The following MACROD2 variants were observed in gnomAD, a reference collection of about 807,000 sequenced individuals.
MACROD2 encodes ADP-ribose glycohydrolase MACROD2.
In MACROD2, 36 loss-of-function variants were observed where a neutral mutation model predicts 70.4. The observed-to-expected ratio is 0.51, with a 90% CI of 0.39 to 0.68. MACROD2 has a LOEUF of 0.68. Among genes scored for constraint, MACROD2 ranks in the 30% least tolerant of loss-of-function variants. The probability of loss-of-function intolerance (pLI) is 0.00; values close to 1 mark genes in which losing one functional copy is unlikely to be tolerated. For synonymous variants in MACROD2, 172 were observed against 178.8 expected (o/e 0.96, Z 0.30); for missense variants, 496 against 538.4 (o/e 0.92, Z 0.78).
At chr20:15,370,657 A>T (rs1225345683) in intron 6 of MACROD2, among the ~76,000 whole-genome samples, 2 of 152,152 alleles carry the variant, frequency 1.3e-5, no homozygotes, top group Non-Finnish European at 2.9e-5. Context: ...CAGCTATTGT[A>T]TAAGACTGAG....
chr20:15,871,336 A>G (rs1309954644), intron 9 of MACROD2, among the ~76,000 whole-genome samples: 2 of 152,122 alleles, frequency 1.3e-5, no homozygotes, highest in Non-Finnish European at 2.9e-5. Flanking sequence ...TTAAAAGCAA[A>G]CAAAAGAAAG....
chr20:15,226,600 A>G (rs1489296487), intron 5 of MACROD2, among the ~76,000 whole-genome samples: 1 of 152,158 alleles, frequency 6.6e-6, no homozygotes, highest in Non-Finnish European at 1.5e-5. Context: ...ACATGTTCTC[A>G]ATGGATTTTG....
At chr20:15,879,495 G>A (rs1169848875) in intron 9 of MACROD2, among the ~76,000 whole-genome samples, 1 of 152,112 alleles carries the variant, frequency 6.6e-6, no homozygotes, top group South Asian at 2.1e-4. Context: ...AAAGGACTCT[G>A]TGCTTGATTT....
intron 16 of MACROD2, among the ~76,000 whole-genome samples, chr20:16,041,685 A>C (rs997200710): frequency 6.6e-6 from 1 of 151,966 alleles, no homozygotes; most frequent in African/African-American, 2.4e-5. Flanking sequence ...GTGGGCTAAG[A>C]TTGTTCTTGT....
chr20:14,396,159 C>A (rs1250790045), intron 3 of MACROD2, among the ~76,000 whole-genome samples: 1 of 152,122 alleles, frequency 6.6e-6, no homozygotes, highest in Non-Finnish European at 1.5e-5. Context: ...TGTTGTTTGT[C>A]TTGGTAAATG....
At chr20:15,774,662 AGCACACT>A (rs2051691743) in intron 8 of MACROD2, among the ~76,000 whole-genome samples, 1 of 152,270 alleles carries the variant, frequency 6.6e-6, no homozygotes, top group Admixed American at 6.5e-5. Flanking sequence ...GGGGGAGGGC[AGCACACT>A]GCACTGTCTC....
At chr20:14,508,816 A>AT (rs1397710430) in intron 4 of MACROD2, among the ~76,000 whole-genome samples, 1 of 152,180 alleles carries the variant, frequency 6.6e-6, no homozygotes, top group Non-Finnish European at 1.5e-5. Context: ...TACCACCCAG[A>AT]TTCTACCTTT....
chr20:15,088,287 C>G (rs1213990709), intron 5 of MACROD2, among the ~76,000 whole-genome samples: 1 of 150,970 alleles, frequency 6.6e-6, no homozygotes, highest in Non-Finnish European at 1.5e-5. Flanking sequence ...ATGGCTGAAT[C>G]AAATATGGGA....
At chr20:14,361,212 C>A (rs2083218513) in intron 3 of MACROD2, among the ~76,000 whole-genome samples, 1 of 152,154 alleles carries the variant, frequency 6.6e-6, no homozygotes. Context: ...TGATCACTGC[C>A]TCCAGGAGGT....
intron 5 of MACROD2, among the ~76,000 whole-genome samples, chr20:14,708,072 A>G (rs1037680861): frequency 6.6e-6 from 1 of 152,116 alleles, no homozygotes; most frequent in African/African-American, 2.4e-5. Flanking sequence ...AAGAGACACA[A>G]CAATAGTGAC....
At chr20:15,554,297 G>A (rs890644280) in intron 8 of MACROD2, among the ~76,000 whole-genome samples, 1 of 152,182 alleles carries the variant, frequency 6.6e-6, no homozygotes, top group African/African-American at 2.4e-5. Context: ...CTCCGGTATA[G>A]TGCTTAAAGA....
At chr20:14,690,890 G>T (rs1223429118) in intron 5 of MACROD2, among the ~76,000 whole-genome samples, 1 of 152,142 alleles carries the variant, frequency 6.6e-6, no homozygotes, top group East Asian at 1.9e-4. Context: ...CCAGCCCCTG[G>T]TCTGTGGCAA....
chr20:14,492,864 A>G (rs1394702145), intron 3 of MACROD2, among the ~76,000 whole-genome samples: 2 of 152,162 alleles, frequency 1.3e-5, no homozygotes, highest in African/African-American at 2.4e-5. Context: ...AGAAATCCAA[A>G]TGGAATTGTT....
At chr20:15,008,886 T>G (rs988860878) in intron 5 of MACROD2, among the ~76,000 whole-genome samples, 1 of 152,188 alleles carries the variant, frequency 6.6e-6, no homozygotes, top group African/African-American at 2.4e-5. Context: ...TGGATGGATT[T>G]TTTTCCTTTT....
intron 3 of MACROD2, among the ~76,000 whole-genome samples, chr20:14,303,214 C>T (rs573412412): frequency 6.6e-6 from 1 of 152,198 alleles, no homozygotes; most frequent in East Asian, 1.9e-4. Context: ...GGCATTTTTT[C>T]AATGAAACTG....
chr20:16,044,588 G>A lies in MACROD2; in HGVS notation c.1249G>A (p.Val417Ile). 1 of 1,612,224 alleles carries A rather than the reference G, an allele frequency of 6.2e-7. No individual in the cohort carries two copies. Among genetic ancestry groups the A allele is most frequent in the African/African-American group, 1.3e-5 (1 of 74,746 alleles). ...GGTGACAGTTGAAATGAATAGTCAG[G>A]TTGACAAGGTAAATGACCCAACAGA... is the stretch of plus-strand genomic sequence containing the variant. ...PGPDVEMNSQVDKVNDPTESQ... is the reference protein window; with the variant it reads ...PGPDVEMNSQIDKVNDPTESQ... Residue 417 changes from valine to isoleucine, a missense_variant, in exon 17 of 18, where the codon GTT becomes ATT. Coordinates refer to ENST00000684519, the MANE Select transcript of MACROD2 (RefSeq NM_001351661.2).
chr20:14,529,235 A>G (rs907010023), intron 4 of MACROD2, among the ~76,000 whole-genome samples: 1 of 152,202 alleles, frequency 6.6e-6, no homozygotes, highest in African/African-American at 2.4e-5. Context: ...AAACAACAAG[A>G]TTTATTATCT....
intron 6 of MACROD2, among the ~76,000 whole-genome samples, chr20:15,289,335 G>C (rs2077521064): frequency 6.6e-6 from 1 of 152,116 alleles, no homozygotes; most frequent in South Asian, 2.1e-4. Context: ...CGAGCTTCTA[G>C]GAATTTAAAT....
intron 3 of MACROD2, among the ~76,000 whole-genome samples, chr20:14,204,633 C>A (rs1425693644): frequency 6.6e-6 from 1 of 152,306 alleles, no homozygotes; most frequent in East Asian, 1.9e-4. Flanking sequence ...CATACCCTTT[C>A]CTCATAGTGG....
Sources: allele counts gnomAD v4.1 joint callset (sites outside exome capture counted in the v4.1 genomes callset), GRCh38; gene constraint gnomAD v4.1.1; transcripts MANE v1.5; gene names NCBI Gene and HGNC (gene_info 2026-07-23, HGNC 2026-07-21).